The following THSD4 variants were observed in gnomAD, a reference collection of about 807,000 sequenced individuals.
THSD4 encodes thrombospondin type 1 domain containing 4, also known as thrombospondin type-1 domain-containing protein 4.
THSD4 carries 69 observed loss-of-function variants against 119.0 expected under a neutral mutation model. The observed-to-expected ratio is 0.58, with a 90% CI of 0.48 to 0.71. The LOEUF is 0.71. THSD4 is among the 30% of genes least tolerant of loss of function. The probability of loss-of-function intolerance (pLI) is 0.00; values close to 1 mark genes in which losing one functional copy is unlikely to be tolerated. For synonymous variants in THSD4, 524 were observed against 540.4 expected (o/e 0.97, Z 0.42); for missense variants, 1,393 against 1,391.1 (o/e 1.00, Z -0.02).
chr15:71,221,460 C>G (rs1480614647), intron 4 of THSD4, among the ~76,000 whole-genome samples: 1 of 152,158 alleles, frequency 6.6e-6, no homozygotes, highest in Admixed American at 6.5e-5. Flanking sequence ...CACCGCAGCC[C>G]TTAGCCAACC....
At chr15:71,741,541 A>G (rs1250017789) in intron 11 of THSD4, among the ~76,000 whole-genome samples, 1 of 152,122 alleles carries the variant, frequency 6.6e-6, no homozygotes, top group Non-Finnish European at 1.5e-5. Context: ...CTTTCTCTAG[A>G]TTTCCATATG....
At chr15:71,580,208 G>A (rs575011688) in intron 7 of THSD4, among the ~76,000 whole-genome samples, 1 of 152,160 alleles carries the variant, frequency 6.6e-6, no homozygotes, top group South Asian at 2.1e-4. Context: ...GACTTGAAAC[G>A]CTAGAGAGAT....
chr15:71,165,098 G>C lies in THSD4; in HGVS notation c.99+10166G>C, dbSNP rs753945859. 4.9e-5 allele frequency: 79 copies of C among 1,611,098 alleles called. No homozygotes were observed. The Middle Eastern group carries it at 5.0e-4, about 10-fold the overall frequency. Reference sequence around the variant, plus strand: ...TCCTTTGATTTTTGGGCGATACTCAGAGCAGAAGAGGAAGAAGGCCGAAGG... The same window carrying C: ...TCCTTTGATTTTTGGGCGATACTCACAGCAGAAGAGGAAGAAGGCCGAAGG... On this transcript the variant is annotated intron_variant, in intron 3 of 17. Transcript: ENST00000261862.
intron 6 of THSD4, among the ~76,000 whole-genome samples, chr15:71,355,827 G>T (rs1422128888): frequency 2.0e-5 from 3 of 151,846 alleles, no homozygotes; most frequent in African/African-American, 7.3e-5. Flanking sequence ...GAGTCTTAGA[G>T]TAACTCTTTT....
At chr15:71,403,199 A>C (rs1487740350) in intron 6 of THSD4, among the ~76,000 whole-genome samples, 1 of 151,970 alleles carries the variant, frequency 6.6e-6, no homozygotes, top group East Asian at 1.9e-4. Context: ...CACACGTTCT[A>C]CTTTCTTGTT....
At chr15:71,167,165 T>C (rs1174492261) in intron 3 of THSD4, 1 of 152,216 alleles carries the variant, frequency 6.6e-6, no homozygotes, top group Non-Finnish European at 1.5e-5. Flanking sequence ...GAAGCAGTAC[T>C]AGTAGTAGTA....
intron 6 of THSD4, among the ~76,000 whole-genome samples, chr15:71,398,523 G>A (rs1489862623): frequency 2.0e-5 from 3 of 151,790 alleles, no homozygotes; most frequent in African/African-American, 7.3e-5. Context: ...GTGAAAGGGA[G>A]GAGGAGAACT....
rs2049881765 is a variant in THSD4 at position 71,594,992 on chromosome 15, G to C, written c.1153-65538G>C. 2.0e-5 allele frequency among the ~76,000 whole-genome samples: 3 copies of C among 152,304 alleles called. No individual in the cohort carries two copies. The South Asian group carries it at 6.2e-4, about 32-fold the overall frequency. ...CATTTACCAGCTATCTAGGGGGTCA[G>C]TCAATCCCAGTGGTGGGAACTAAGT... is the stretch of plus-strand genomic sequence containing the variant. On this transcript the variant is annotated intron_variant, in intron 7 of 17. Transcript: ENST00000261862.
At chr15:71,614,974 C>T (rs1273408426) in intron 7 of THSD4, among the ~76,000 whole-genome samples, 1 of 152,204 alleles carries the variant, frequency 6.6e-6, no homozygotes, top group Non-Finnish European at 1.5e-5. Context: ...GAAGCCTGTG[C>T]ATGAGGTGTT....
At chr15:71,116,038 C>T (rs2040358613) in intron 1 of THSD4, among the ~76,000 whole-genome samples, 1 of 152,242 alleles carries the variant, frequency 6.6e-6, no homozygotes, top group Non-Finnish European at 1.5e-5. Flanking sequence ...GGGTCGGGGC[C>T]CCGTGCTCCC....
At chr15:71,282,419 G>GAAA (rs2044663984) in intron 6 of THSD4, among the ~76,000 whole-genome samples, 2 of 151,636 alleles carry the variant, frequency 1.3e-5, no homozygotes, top group Non-Finnish European at 2.9e-5. Flanking sequence ...GGAAGAAATA[G>GAAA]GAAAAAAGAA....
At chr15:71,300,299 C>T (rs2044931072) in intron 6 of THSD4, among the ~76,000 whole-genome samples, 1 of 152,126 alleles carries the variant, frequency 6.6e-6, no homozygotes, top group South Asian at 2.1e-4. Context: ...GTCACTCAGG[C>T]ATACCTCTGT....
intron 8 of THSD4, among the ~76,000 whole-genome samples, chr15:71,705,251 T>C (rs2141079600): frequency 6.6e-6 from 1 of 152,254 alleles, no homozygotes; most frequent in East Asian, 1.9e-4. Context: ...CTTCAAATAC[T>C]TACTGAACTT....
intron 7 of THSD4, chr15:71,547,536 T>C (rs2048856262): frequency 6.5e-7 from 1 of 1,540,184 alleles, no homozygotes; most frequent in African/African-American, 1.4e-5. Context: ...GCATTATATT[T>C]CCTCTTCTAT....
intron 7 of THSD4, among the ~76,000 whole-genome samples, chr15:71,559,985 A>G (rs1270011051): frequency 6.6e-6 from 1 of 152,194 alleles, no homozygotes; most frequent in African/African-American, 2.4e-5. Context: ...TAATGCTACA[A>G]TGAGTATCTT....
intron 3 of THSD4, among the ~76,000 whole-genome samples, chr15:71,207,621 GC>G (rs2043855181): frequency 6.6e-6 from 1 of 152,238 alleles, no homozygotes; most frequent in Non-Finnish European, 1.5e-5. Context: ...CAGGAGGTGA[GC>G]GGCGGGTCAG....
In THSD4 at chr15:71,491,816, C is replaced by T. The variant is rs376231429; in HGVS notation, c.1152+79993C>T. 5.3e-5 allele frequency among the ~76,000 whole-genome samples: 8 copies of T among 152,196 alleles called. No homozygotes were observed. The South Asian group carries it at 1.7e-3, about 32-fold the overall frequency. On this transcript the variant is annotated intron_variant, in intron 7 of 17. Coordinates refer to ENST00000261862, the MANE Select transcript of THSD4 (RefSeq NM_024817.3). The stretch of plus-strand genomic sequence containing the variant: ...CCTGGGAGGTTGAGACTTCAGTGAG[C>T]TGTGATTGTGCCACTGCATTCCAGC...
chr15:71,582,813 C>T (rs967505105), intron 7 of THSD4, among the ~76,000 whole-genome samples: 1 of 152,146 alleles, frequency 6.6e-6, no homozygotes, highest in Non-Finnish European at 1.5e-5. Context: ...ACCTTCCTTG[C>T]ATCCCAAGGA....
chr15:71,105,933 G>A (rs1423274936), intron 1 of THSD4, among the ~76,000 whole-genome samples: 2 of 152,184 alleles, frequency 1.3e-5, no homozygotes, highest in East Asian at 3.9e-4. Context: ...TGAATGATTG[G>A]GAAGATGATA....
Sources: gnomAD v4.1 joint callset for allele counts (sites outside exome capture counted in the v4.1 genomes callset) on GRCh38, gnomAD v4.1.1 for gene constraint, MANE v1.5 for transcripts, NCBI Gene and HGNC (gene_info 2026-07-23, HGNC 2026-07-21) for gene names.